Variants in SPATA32 observed in about 807,000 individuals in gnomAD.
The protein encoded by SPATA32 is spermatogenesis-associated protein 32.
SPATA32 carries 28 observed loss-of-function variants against 35.4 expected under a neutral mutation model. The observed-to-expected ratio is 0.79, with a 90% CI of 0.59 to 1.09. The LOEUF (loss-of-function observed/expected upper bound fraction) is 1.09, where lower values mean the gene tolerates loss of function less well. Among genes scored for constraint, SPATA32 ranks in the 50% least tolerant of loss-of-function variants. The pLI, the probability that SPATA32 is intolerant of heterozygous loss-of-function variation, is 0.00. For missense variants in SPATA32, 409 were observed against 475.9 expected, an observed-to-expected ratio of 0.86 and a Z score of 1.31; for synonymous variants, 168 against 196.3, an observed-to-expected ratio of 0.86 and a Z score of 1.20.
Position 45,256,381 on chromosome 17 carries a change from G to T in SPATA32, c.103C>A (p.Gln35Lys). 1 of 1,612,246 alleles carries T rather than the reference G, an allele frequency of 6.2e-7. No homozygotes were observed. Among genetic ancestry groups the T allele is most frequent in the East Asian group, 2.2e-5 (1 of 44,854 alleles). ...GAGGACACTCCCATTTTTACCTCCT[G>T]TTCCTCTTGTATCTGGTGTTGACTT... ...DLSQHQIQEE[Q>K]ELEADMLEQK... Residue 35 changes from glutamine to lysine, a missense_variant, in exon 3 of 5, where the codon CAG becomes AAG. By Grantham distance (53) the Gln-to-Lys change is moderately conservative (BLOSUM62 1). Coordinates refer to ENST00000331780, the MANE Select transcript of SPATA32 (RefSeq NM_152343.3). This position sits in a 1 kb window ranked among gnomAD's most constrained non-coding sequence, Gnocchi z 4.7.
chr17:45,259,331 T>C (rs2043984547), intron 1 of SPATA32, among the ~76,000 whole-genome samples: 1 of 152,180 alleles, frequency 6.6e-6, no homozygotes, highest in African/African-American at 2.4e-5. Flanking sequence ...TCTCTTAGAT[T>C]GCTTAGTTTT....
At chr17:45,257,048 C>A in intron 2 of SPATA32, 105 bp downstream of exon 2, 1 of 1,345,718 alleles carries the variant, frequency 7.4e-7, no homozygotes, top group African/African-American at 1.4e-5. Flanking sequence ...TTGGAAATGG[C>A]AGAAGGGAGG....
chr17:45,255,871 T>C lies in SPATA32; in HGVS notation c.311A>G (p.Gln104Arg), dbSNP rs1443649077. The C allele has an allele frequency of 1.2e-6, 2 of 1,614,148 alleles. No individual in the cohort carries two copies. Among genetic ancestry groups the C allele is most frequent in the Non-Finnish European group, 1.7e-6 (2 of 1,180,018 alleles). Residue 104 changes from glutamine (Q) to arginine (R), a missense_variant, in exon 4 of 5, where the codon CAG (glutamine) becomes CGG (arginine). Coordinates refer to ENST00000331780, the MANE Select transcript of SPATA32 (RefSeq NM_152343.3). This position sits in a 1 kb window ranked among gnomAD's most constrained non-coding sequence, Gnocchi z 5.4. ...GACGGACTCTATCTTGCATACCAGC[T>C]GCATGGGTTCTTCAAAGTCAGACTC... ...NEESDFEEPM[Q>R]LVCKIESVHS...
At chr17:45,258,699 A>G (rs1316816368) in intron 1 of SPATA32, among the ~76,000 whole-genome samples, 3 of 151,274 alleles carry the variant, frequency 2.0e-5, no homozygotes, top group Non-Finnish European at 4.4e-5. Context: ...TAGTGGTGTG[A>G]TCTCGGCTCA....
chr17:45,256,866 T>C lies in SPATA32; in HGVS notation c.68+287A>G, dbSNP rs915990706. Among the ~76,000 whole-genome samples, 10 of 152,242 alleles carry C rather than the reference T, an allele frequency of 6.6e-5. No homozygotes were observed. The highest frequency in any genetic ancestry group is 2.4e-4 in the African/African-American group (10 of 41,550). On this transcript the variant is annotated intron_variant, in intron 2 of 4. Transcript: ENST00000331780. The surrounding 1 kb of genome is among the most constrained non-coding windows in gnomAD (Gnocchi z 4.7). ...ACCCCCGCCTTGAGCAGCTCTGTCC[T>C]CAGCAAGCCAGGCAGCTCTGAGGGG...
chr17:45,257,072 G>A (rs1217067161), intron 2 of SPATA32, 81 bp downstream of exon 2: 6 of 1,466,760 alleles, frequency 4.1e-6, no homozygotes, highest in East Asian at 2.3e-5. Flanking sequence ...ATCCTAGGCT[G>A]GGGGATCCTA....
At chr17:45,261,833 C>G (rs2044012499) in intron 1 of SPATA32, 171 bp downstream of exon 1, 1 of 647,146 alleles carries the variant, frequency 1.5e-6, no homozygotes, top group Non-Finnish European at 2.2e-6. Context: ...GTCAGGGGCA[C>G]CGGGTGGGCT....
At chr17:45,259,589 G>C (rs977163405) in intron 1 of SPATA32, among the ~76,000 whole-genome samples, 11 of 151,402 alleles carry the variant, frequency 7.3e-5, no homozygotes, top group Admixed American at 6.6e-4. Flanking sequence ...GTTCAGTGGC[G>C]CAATTTCAGC....
At position 45,256,828 on chromosome 17, in the gene SPATA32, C is replaced by T. The variant is rs1337674369; in HGVS notation, c.68+325G>A. On this transcript the variant is annotated intron_variant, in intron 2 of 4. Coordinates refer to ENST00000331780, the MANE Select transcript of SPATA32 (RefSeq NM_152343.3). This position sits in a 1 kb window ranked among gnomAD's most constrained non-coding sequence, Gnocchi z 4.7. ...CCCACCCACCTGCCCACTCTTTCTT[C>T]AAGTGCCTGCCCACCCCCGCCTTGA... Among the ~76,000 whole-genome samples the T allele has an allele frequency of 1.3e-5, 2 of 152,166 alleles. No homozygotes were observed. The highest frequency in any genetic ancestry group is 2.9e-5 in the Non-Finnish European group (2 of 68,022).
At chr17:45,259,021 T>C (rs1473128259) in intron 1 of SPATA32, among the ~76,000 whole-genome samples, 1 of 140,880 alleles carries the variant, frequency 7.1e-6, no homozygotes, top group Admixed American at 7.5e-5. Flanking sequence ...TAAAATCTTA[T>C]TTGTTCTCAT....
chr17:45,255,511 G>C lies in SPATA32; in HGVS notation c.671C>G (p.Pro224Arg). 6.2e-7 allele frequency: 1 copy of C among 1,614,150 alleles called. No individual in the cohort carries two copies. The highest frequency in any genetic ancestry group is 1.7e-5 in the Admixed American group (1 of 60,018). ...GAGATCTGAGGACAGGAGGGGGCTT[G>C]GTGCCTGGGAGCTTGTGGTTGGAGG... ...SAPPTTSSQAPSPLLSSDLPP... is the reference protein window; with the variant it reads ...SAPPTTSSQARSPLLSSDLPP... The change falls in exon 4 of 5, where the codon CCA becomes CGA. Residue 224 changes from proline (P) to arginine (R), a missense_variant. By Grantham distance (103) the Pro-to-Arg change is moderately radical. Coordinates refer to ENST00000331780, the MANE Select transcript of SPATA32 (RefSeq NM_152343.3). This position sits in a 1 kb window ranked among gnomAD's most constrained non-coding sequence, Gnocchi z 5.4.
At chr17:45,259,585 T>C (rs1389623218) in intron 1 of SPATA32, among the ~76,000 whole-genome samples, 1 of 151,912 alleles carries the variant, frequency 6.6e-6, no homozygotes, top group Non-Finnish European at 1.5e-5. Context: ...TGGAGTTCAG[T>C]GGCGCAATTT....
chr17:45,255,551 C>T lies in SPATA32; in HGVS notation c.631G>A (p.Asp211Asn). The change falls in exon 4 of 5, where the codon GAT (aspartate) becomes AAT (asparagine). Residue 211 changes from aspartate to asparagine, a missense_variant. Transcript: ENST00000331780. The surrounding 1 kb of genome is among the most constrained non-coding windows in gnomAD (Gnocchi z 5.4). Reference protein sequence around the residue: ...LCSEEQLQIPDAHSAPPTTSS... With the variant: ...LCSEEQLQIPNAHSAPPTTSS... ...GTGGTTGGAGGAGCTGAGTGGGCAT[C>T]AGGGATCTGGAGCTGCTCCTCGGAG... 6.2e-7 allele frequency: 1 copy of T among 1,614,094 alleles called. No individual in the cohort carries two copies. Among genetic ancestry groups the T allele is most frequent in the South Asian group, 1.1e-5 (1 of 91,084 alleles).
chr17:45,256,374 ACCT>A lies in SPATA32; in HGVS notation c.107_108+1del. 1.2e-6 allele frequency: 2 copies of A among 1,611,898 alleles called. No homozygotes were observed. The highest frequency in any genetic ancestry group is 1.7e-6 in the Non-Finnish European group (2 of 1,178,560). On this transcript the variant is annotated splice_donor_variant and coding_sequence_variant, in exon 3 of 5. Coordinates refer to ENST00000331780, the MANE Select transcript of SPATA32 (RefSeq NM_152343.3). LOFTEE classifies it high-confidence loss of function. This position sits in a 1 kb window ranked among gnomAD's most constrained non-coding sequence, Gnocchi z 4.7. ...CCCGTAAGAGGACACTCCCATTTTT[ACCT>A]CCTGTTCCTCTTGTATCTGGTGTTG...
chr17:45,254,484 TTC>T lies in SPATA32; in HGVS notation c.1095_1096del (p.Asn366SerfsTer9). 6.2e-7 allele frequency: 1 copy of T among 1,613,958 alleles called. No individual in the cohort carries two copies. Among genetic ancestry groups the T allele is most frequent in the Non-Finnish European group, 8.5e-7 (1 of 1,179,816 alleles). Reference sequence around the variant, plus strand: ...AAAATGGATTTTCACCAATAATGGATTCTCTTTCTCTTTTCCTGGCGGCACTG... The same window carrying T: ...AAAATGGATTTTCACCAATAATGGATTCTTTCTCTTTTCCTGGCGGCACTG... On this transcript the variant is annotated frameshift_variant, in exon 5 of 5. Transcript: ENST00000331780. LOFTEE classifies it high-confidence loss of function.
Position 45,255,027 on chromosome 17 carries a change from G to T in SPATA32, c.1067+88C>A. On this transcript the variant is annotated intron_variant, in intron 4 of 4. Transcript: ENST00000331780. This position sits in a 1 kb window ranked among gnomAD's most constrained non-coding sequence, Gnocchi z 5.4. ...CCTGCTCCCAGGCCCTCATTCCACT[G>T]TTCCCCACCCCTACCCAGCTGTGTG... 7.6e-7 allele frequency: 1 copy of T among 1,310,704 alleles called. No homozygotes were observed. The highest frequency in any genetic ancestry group is 1.1e-6 in the Non-Finnish European group (1 of 935,102). 81.2% of individuals were successfully genotyped at this position (1,310,704 alleles called of 1,614,324 possible). A position where few individuals can be genotyped will look rare whatever the true frequency, so the allele number is the denominator to read the frequency against.
intron 4 of SPATA32, 138 bp downstream of exon 4, chr17:45,254,977 G>A (rs1286529946): frequency 2.5e-6 from 2 of 803,788 alleles, no homozygotes; most frequent in East Asian, 5.3e-5. Context: ...GGTCACTGAG[G>A]TGGAGGCGTC....
chr17:45,255,173 G>T lies in SPATA32; in HGVS notation c.1009C>A (p.Gln337Lys), dbSNP rs753225648. Reference protein sequence around the residue: ...PGIKRATIKGQIQLLQPPATS... With the variant: ...PGIKRATIKGKIQLLQPPATS... ...GCTGGTGGCTGGAGAAGCTGGATTT[G>T]CCCTTTGATGGTGGCCCTCTTGATC... The change falls in exon 4 of 5, where the codon CAA (glutamine) becomes AAA (lysine). Residue 337 changes from glutamine to lysine, a missense_variant. Physicochemically the swap from Gln to Lys is moderately conservative, Grantham distance 53. Transcript: ENST00000331780. This position sits in a 1 kb window ranked among gnomAD's most constrained non-coding sequence, Gnocchi z 5.4. 12 of 1,614,222 alleles carry T rather than the reference G, an allele frequency of 7.4e-6. No homozygotes were observed. Among genetic ancestry groups the T allele is most frequent in the Non-Finnish European group, 9.3e-6 (11 of 1,180,032 alleles).
At position 45,256,445 on chromosome 17, in the gene SPATA32, G is replaced by A. The variant is rs769976249; in HGVS notation, c.69-30C>T. 13 of 1,596,008 alleles carry A rather than the reference G, an allele frequency of 8.1e-6. No individual in the cohort carries two copies. In the African/African-American group the frequency reaches 1.6e-4, roughly 20 times the overall value. On this transcript the variant is annotated intron_variant, in intron 2 of 4. Coordinates refer to ENST00000331780, the MANE Select transcript of SPATA32 (RefSeq NM_152343.3). This position sits in a 1 kb window ranked among gnomAD's most constrained non-coding sequence, Gnocchi z 4.7. ...GACAGAAGAAGACAGAGTGGGTGATGGGGATCTGTGGGGCTTCAGCGGGAA... is the reference window on the plus strand; with the variant it reads ...GACAGAAGAAGACAGAGTGGGTGATAGGGATCTGTGGGGCTTCAGCGGGAA...
Sources: allele counts gnomAD v4.1 joint callset (sites outside exome capture counted in the v4.1 genomes callset), GRCh38; gene constraint gnomAD v4.1.1; non-coding constraint Gnocchi (gnomAD v3.1); transcripts MANE v1.5; gene names NCBI Gene and HGNC (gene_info 2026-07-23, HGNC 2026-07-21).